RIMS2: variants seen among roughly 807,000 people sequenced by gnomAD.
RIMS2 encodes the protein regulating synaptic membrane exocytosis 2.
In RIMS2, 59 loss-of-function variants were observed where a neutral mutation model predicts 174.4. The ratio of observed to expected loss-of-function variants is 0.34; its 90% confidence interval spans 0.27 to 0.42. The LOEUF (loss-of-function observed/expected upper bound fraction) is 0.42, where lower values mean the gene tolerates loss of function less well. RIMS2 is among the 10% of genes least tolerant of loss of function. The probability of loss-of-function intolerance (pLI) is 1.00; values close to 1 mark genes in which losing one functional copy is unlikely to be tolerated. For missense variants in RIMS2, 1,620 were observed against 1,666.3 expected (o/e 0.97, Z 0.48); for synonymous variants, 606 against 572.5 (o/e 1.06, Z -0.84).
chr8:103,593,224 T>C (rs973322642), intron 1 of RIMS2, among the ~76,000 whole-genome samples: 5 of 151,460 alleles, frequency 3.3e-5, no homozygotes, highest in Admixed American at 6.6e-5. Flanking sequence ...AAGACTTTTC[T>C]GATGAGATCA....
chr8:103,873,050 G>A (rs1242324152), intron 3 of RIMS2, among the ~76,000 whole-genome samples: 1 of 152,108 alleles, frequency 6.6e-6, no homozygotes, highest in Non-Finnish European at 1.5e-5. Context: ...ATGAAGTTCT[G>A]GGTGCACTAG....
chr8:103,912,067 G>C, exon 6 of RIMS2: 1 of 1,592,160 alleles, frequency 6.3e-7, no homozygotes, highest in Non-Finnish European at 8.6e-7. Context: ...CTGTAACCTG[G>C]CAACCATCTA....
chr8:103,567,811 T>G (rs1487686437), intron 1 of RIMS2, among the ~76,000 whole-genome samples: 1 of 152,256 alleles, frequency 6.6e-6, no homozygotes, highest in Non-Finnish European at 1.5e-5. Context: ...CTCCACATCC[T>G]TCTCAACACT....
At chr8:103,981,458 C>T (rs1053349286) in intron 16 of RIMS2, among the ~76,000 whole-genome samples, 3 of 152,112 alleles carry the variant, frequency 2.0e-5, no homozygotes, top group Non-Finnish European at 2.9e-5. Flanking sequence ...CAATAAATAC[C>T]TAACTCTTCA....
intron 19 of RIMS2, among the ~76,000 whole-genome samples, chr8:104,206,245 GTTA>G (rs1216568005): frequency 9.2e-5 from 14 of 152,132 alleles, no homozygotes; most frequent in Non-Finnish European, 1.6e-4. Flanking sequence ...GTTTGGAAAT[GTTA>G]TTAGCACTTT....
At chr8:104,063,863 T>C (rs967404676) in intron 19 of RIMS2, among the ~76,000 whole-genome samples, 1 of 152,192 alleles carries the variant, frequency 6.6e-6, no homozygotes, top group Non-Finnish European at 1.5e-5. Flanking sequence ...TCCAGGGGCA[T>C]GCTCATGCTC....
chr8:104,208,145 TG>T (rs1325075179), intron 19 of RIMS2, among the ~76,000 whole-genome samples: 3 of 152,202 alleles, frequency 2.0e-5, no homozygotes, highest in African/African-American at 7.2e-5. Context: ...GATGCTGTTA[TG>T]AAATATTCCT....
chr8:103,933,962 A>G (rs1412380267), intron 12 of RIMS2, among the ~76,000 whole-genome samples: 2 of 152,186 alleles, frequency 1.3e-5, no homozygotes, highest in Non-Finnish European at 2.9e-5. Flanking sequence ...TACATAGAAG[A>G]AATCTAGTAT....
intron 17 of RIMS2, among the ~76,000 whole-genome samples, chr8:104,007,730 A>G (rs2095633984): frequency 1.3e-5 from 2 of 152,098 alleles, no homozygotes; most frequent in South Asian, 4.1e-4. Flanking sequence ...TGTGTTTCCA[A>G]TAAATTGGTA....
chr8:103,919,059 A>T (rs1040926483), intron 9 of RIMS2, among the ~76,000 whole-genome samples: 1 of 152,216 alleles, frequency 6.6e-6, no homozygotes, highest in Non-Finnish European at 1.5e-5. Context: ...TCTATAATTT[A>T]AAAAATTATT....
intron 13 of RIMS2, among the ~76,000 whole-genome samples, chr8:103,937,431 A>G (rs2081521073): frequency 6.6e-6 from 1 of 152,216 alleles, no homozygotes; most frequent in African/African-American, 2.4e-5. Flanking sequence ...ATTATTTTCA[A>G]GCCCTACAAT....
chr8:104,109,296 CAAAAAAA>C (rs1170353786), intron 19 of RIMS2, among the ~76,000 whole-genome samples: 3 of 50,220 alleles, frequency 6.0e-5, no homozygotes, highest in East Asian at 5.4e-4. Flanking sequence ...GACTCTGTCT[CAAAAAAA>C]AAAAAAAAAA....
At chr8:104,023,604 T>A (rs1187609701) in intron 19 of RIMS2, among the ~76,000 whole-genome samples, 1 of 152,066 alleles carries the variant, frequency 6.6e-6, no homozygotes, top group Non-Finnish European at 1.5e-5. Context: ...ATAGGTTGAG[T>A]GGGAATATCA....
At chr8:103,565,377 T>TC (rs1013973705) in intron 1 of RIMS2, among the ~76,000 whole-genome samples, 10 of 152,026 alleles carry the variant, frequency 6.6e-5, no homozygotes, top group Admixed American at 2.0e-4. Context: ...CCATCTCAGC[T>TC]CACTGCAAGC....
At chr8:103,732,089 A>T (rs750824315) in intron 2 of RIMS2, among the ~76,000 whole-genome samples, 10 of 152,096 alleles carry the variant, frequency 6.6e-5, no homozygotes, top group Non-Finnish European at 1.5e-4. Flanking sequence ...TAGGTTTTCC[A>T]TGTATTCAAA....
chr8:103,551,735 A>G (rs1848027160), intron 1 of RIMS2, among the ~76,000 whole-genome samples: 1 of 152,212 alleles, frequency 6.6e-6, no homozygotes, highest in Non-Finnish European at 1.5e-5. Flanking sequence ...TTAAGCTGAT[A>G]AGCAACTTCA....
At chr8:104,071,982 TAGAA>T (rs2097204849) in intron 19 of RIMS2, among the ~76,000 whole-genome samples, 1 of 152,182 alleles carries the variant, frequency 6.6e-6, no homozygotes, top group South Asian at 2.1e-4. Flanking sequence ...CTACTGAATG[TAGAA>T]TACTTATCAC....
intron 1 of RIMS2, among the ~76,000 whole-genome samples, chr8:103,566,705 G>A (rs1385775675): frequency 6.6e-6 from 1 of 152,122 alleles, no homozygotes; most frequent in Non-Finnish European, 1.5e-5. Context: ...AAGAGCAAAG[G>A]TGGTCTTGTT....
chr8:103,669,302 C>T lies in RIMS2; in HGVS notation c.177-27784C>T, dbSNP rs530179077. Among the ~76,000 whole-genome samples the T allele has an allele frequency of 2.0e-5, 3 of 152,240 alleles. No individual in the cohort carries two copies. The East Asian group carries it at 5.8e-4, about 29-fold the overall frequency. Reference sequence around the variant, plus strand: ...GTCTCCCCCTGGGTTCTTCCCAAAACGTGGGAATTATGGAAGCTACAATTC... The same window carrying T: ...GTCTCCCCCTGGGTTCTTCCCAAAATGTGGGAATTATGGAAGCTACAATTC... On this transcript the variant is annotated intron_variant, in intron 1 of 23. Transcript: ENST00000504942.
Sources: allele counts gnomAD v4.1 joint callset (sites outside exome capture counted in the v4.1 genomes callset), GRCh38; gene constraint gnomAD v4.1.1; transcripts MANE v1.5; gene names NCBI Gene and HGNC (gene_info 2026-07-23, HGNC 2026-07-21).